The following KPNA6 variants were observed in gnomAD, a reference collection of about 807,000 sequenced individuals.
KPNA6 encodes karyopherin subunit alpha 6.
Under a neutral mutation model 72.0 loss-of-function variants are expected in KPNA6, and 9 were observed. That is an observed-to-expected ratio of 0.13 (90% CI 0.08 to 0.22). The LOEUF (loss-of-function observed/expected upper bound fraction) is 0.22, where lower values mean the gene tolerates loss of function less well. Among genes scored for constraint, KPNA6 ranks in the 10% least tolerant of loss-of-function variants. KPNA6 has a pLI of 1.00. For missense variants in KPNA6, 374 were observed against 655.7 expected (o/e 0.57, Z 4.69); for synonymous variants, 219 against 242.1 (o/e 0.90, Z 0.89).
chr1:32,145,197 G>A (rs1641909282), intron 1 of KPNA6, among the ~76,000 whole-genome samples: 1 of 150,070 alleles, frequency 6.7e-6, no homozygotes, highest in African/African-American at 2.5e-5. Flanking sequence ...CTGACCTCGT[G>A]ATCCACCCAC....
At chr1:32,152,323 A>G (rs898688328) in intron 1 of KPNA6, among the ~76,000 whole-genome samples, 1 of 151,714 alleles carries the variant, frequency 6.6e-6, no homozygotes, top group Non-Finnish European at 1.5e-5. Context: ...GGGAGGCCCT[A>G]TCTCAAAAAA....
At chr1:32,117,433 A>G (rs1271081390) in intron 1 of KPNA6, among the ~76,000 whole-genome samples, 4 of 151,824 alleles carry the variant, frequency 2.6e-5, no homozygotes, top group African/African-American at 9.7e-5. Context: ...CGGCCTCCCA[A>G]AGTGCTGGGA....
chr1:32,167,400 C>A, intron 12 of KPNA6, 104 bp downstream of exon 12: 1 of 1,288,022 alleles, frequency 7.8e-7, no homozygotes, highest in Non-Finnish European at 1.1e-6. Flanking sequence ...GACAGGTCTG[C>A]CCCCTAGTCT....
chr1:32,116,530 T>C (rs1471060164), intron 1 of KPNA6, among the ~76,000 whole-genome samples: 4 of 152,116 alleles, frequency 2.6e-5, no homozygotes, highest in Non-Finnish European at 5.9e-5. Flanking sequence ...TGGTGGCACA[T>C]GCCTGCAATT....
intron 1 of KPNA6, among the ~76,000 whole-genome samples, chr1:32,138,389 C>A (rs941610351): frequency 2.0e-5 from 3 of 150,944 alleles, no homozygotes; most frequent in African/African-American, 7.3e-5. Context: ...ACTAAAAATA[C>A]AAAATTAGCC....
intron 11 of KPNA6, 105 bp from the exon 12 acceptor site, chr1:32,167,064 A>C: frequency 1.4e-6 from 2 of 1,414,240 alleles, no homozygotes; most frequent in South Asian, 2.6e-5. Context: ...GAAAACTCCC[A>C]GAATGGGGAA....
At chr1:32,148,781 A>G (rs1641977059) in intron 1 of KPNA6, among the ~76,000 whole-genome samples, 1 of 151,738 alleles carries the variant, frequency 6.6e-6, no homozygotes, top group African/African-American at 2.4e-5. Flanking sequence ...CTGGTCTCAA[A>G]CATCTGACCT....
intron 7 of KPNA6, among the ~76,000 whole-genome samples, chr1:32,161,441 A>AAACTATGCCTATGT (rs1339379926): frequency 4.6e-5 from 7 of 152,188 alleles, no homozygotes; most frequent in Non-Finnish European, 2.9e-5. Context: ...CCCTTAGAGT[A>AAACTATGCCTATGT]AACTATGCCT....
rs575722699 is a variant in KPNA6 at position 32,129,250 on chromosome 1, C to T, written c.4+21116C>T. ...AGATGTCAGCTTACTGCAACCTCTA[C>T]CTACCTTCCAGGCTCAAGCCATCTT... On this transcript the variant is annotated intron_variant, in intron 1 of 13. Coordinates refer to ENST00000373625, the MANE Select transcript of KPNA6 (RefSeq NM_012316.5). Among the ~76,000 whole-genome samples the T allele has an allele frequency of 1.0e-4, 15 of 150,658 alleles. 1 individual carries two copies. In the South Asian group the frequency reaches 3.2e-3, roughly 32 times the overall value.
rs71578197 is a variant in KPNA6 at position 32,118,997 on chromosome 1, CATATATATATATATATATAT to C, written c.4+10880_4+10899del. ...ATGTGTGTGTGTGTGTGTGTGTATA[CATATATATATATATATATAT>C]ATATATATATATATATTTTTTTTTT... On this transcript the variant is annotated intron_variant, in intron 1 of 13. Transcript: ENST00000373625. 2.0e-4 allele frequency among the ~76,000 whole-genome samples: 12 copies of C among 59,830 alleles called. No homozygotes were observed. In the East Asian group the frequency reaches 3.8e-3, roughly 19 times the overall value. 39.3% of individuals were successfully genotyped at this position (59,830 alleles called of 152,430 possible).
At chr1:32,111,382 T>G (rs1641241463) in intron 1 of KPNA6, among the ~76,000 whole-genome samples, 1 of 152,218 alleles carries the variant, frequency 6.6e-6, no homozygotes, top group Non-Finnish European at 1.5e-5. Flanking sequence ...AGTTCTTCAG[T>G]GGAGCAACAA....
chr1:32,128,426 T>TAC (rs1230804875), intron 1 of KPNA6, among the ~76,000 whole-genome samples: 1,884 of 98,778 alleles, frequency 0.019, 41 homozygotes, highest in African/African-American at 0.03. Context: ...TATATATATA[T>TAC]ACACACACAC....
rs1396610898 is a variant in KPNA6, at chr1:32,158,124, G to T, written c.332-143G>T. ...TACAGTTCAAAGACGAGTAGATATT[G>T]TTAAAACCACCTTACCAGAAGGGAG... On this transcript the variant is annotated intron_variant, in intron 4 of 13. Coordinates refer to ENST00000373625, the MANE Select transcript of KPNA6 (RefSeq NM_012316.5). The T allele has an allele frequency of 2.6e-5, 16 of 621,578 alleles. 1 individual carries two copies. The East Asian group carries it at 3.7e-4, about 14-fold the overall frequency. 38.5% of individuals were successfully genotyped at this position (621,578 alleles called of 1,614,324 possible).
intron 9 of KPNA6, 78 bp downstream of exon 9, chr1:32,162,602 C>A: frequency 2.0e-6 from 3 of 1,486,854 alleles, no homozygotes; most frequent in Non-Finnish European, 2.8e-6. Flanking sequence ...TTTGGGATGC[C>A]AAGGTGGGCG....
chr1:32,116,035 C>T (rs1029726847), intron 1 of KPNA6, among the ~76,000 whole-genome samples: 2 of 152,118 alleles, frequency 1.3e-5, no homozygotes, highest in Non-Finnish European at 2.9e-5. Context: ...TAAGCCACTG[C>T]GCTCGGCTCC....
intron 1 of KPNA6, among the ~76,000 whole-genome samples, chr1:32,118,170 C>T (rs1052295401): frequency 9.9e-5 from 15 of 152,104 alleles, no homozygotes; most frequent in African/African-American, 3.4e-4. Context: ...GTGATCCTCC[C>T]GCCTCAGCCT....
chr1:32,164,260 C>G (rs925204758), intron 10 of KPNA6, among the ~76,000 whole-genome samples: 1 of 152,220 alleles, frequency 6.6e-6, no homozygotes, highest in African/African-American at 2.4e-5. Flanking sequence ...GAATGATATT[C>G]CACTGTATGT....
At chr1:32,141,136 A>G (rs1268757308) in intron 1 of KPNA6, among the ~76,000 whole-genome samples, 1 of 152,076 alleles carries the variant, frequency 6.6e-6, no homozygotes, top group Non-Finnish European at 1.5e-5. Context: ...AATTCATTGT[A>G]TTAATAAAAG....
chr1:32,166,666 A>G (rs968693868), intron 11 of KPNA6, among the ~76,000 whole-genome samples: 7 of 146,026 alleles, frequency 4.8e-5, no homozygotes, highest in African/African-American at 1.8e-4. Flanking sequence ...ATGGTGGCTC[A>G]TGCTTGTAAT....
Sources: gnomAD v4.1 joint callset for allele counts (sites outside exome capture counted in the v4.1 genomes callset) on GRCh38, gnomAD v4.1.1 for gene constraint, MANE v1.5 for transcripts, NCBI Gene and HGNC (gene_info 2026-07-23, HGNC 2026-07-21) for gene names.